DOCK9: variants seen among roughly 807,000 people sequenced by gnomAD.
DOCK9 encodes the protein dedicator of cytokinesis 9.
Under a neutral mutation model 263.3 loss-of-function variants are expected in DOCK9, and 89 were observed. That is an observed-to-expected ratio of 0.34 (90% CI 0.28 to 0.40). The LOEUF (loss-of-function observed/expected upper bound fraction) is 0.40, where lower values mean the gene tolerates loss of function less well. DOCK9 is among the 10% of genes least tolerant of loss of function. The pLI, the probability that DOCK9 is intolerant of heterozygous loss-of-function variation, is 1.00. For missense variants in DOCK9, 2,140 were observed against 2,603.4 expected (o/e 0.82, Z 3.87); for synonymous variants, 976 against 973.1 (o/e 1.00, Z -0.06).
intron 27 of DOCK9, among the ~76,000 whole-genome samples, chr13:98,873,788 C>T (rs2094252477): frequency 6.6e-6 from 1 of 152,210 alleles, no homozygotes; most frequent in South Asian, 2.1e-4. Context: ...TTTTACTTTC[C>T]TGTTTAACTC....
chr13:99,076,593 G>C (rs558382894), intron 1 of DOCK9, among the ~76,000 whole-genome samples: 7 of 152,302 alleles, frequency 4.6e-5, no homozygotes, highest in African/African-American at 1.7e-4. Flanking sequence ...TGATATGATA[G>C]AGCCTGTGCA....
intron 1 of DOCK9, among the ~76,000 whole-genome samples, chr13:99,030,860 G>C (rs9517558): frequency 0.63 from 95,761 of 152,012 alleles, 30,633 homozygotes; most frequent in East Asian, 0.9. Flanking sequence ...CCACACTAAT[G>C]TTACCATTCA....
intron 15 of DOCK9, among the ~76,000 whole-genome samples, chr13:98,894,863 C>T (rs1456367638): frequency 1.4e-5 from 2 of 139,284 alleles, no homozygotes; most frequent in African/African-American, 2.6e-5. Context: ...AATCCCAGCA[C>T]TTTGGGAAGC....
At chr13:98,973,602 T>A (rs570363612) in intron 1 of DOCK9, among the ~76,000 whole-genome samples, 7 of 152,228 alleles carry the variant, frequency 4.6e-5, no homozygotes, top group African/African-American at 1.7e-4. Context: ...GAAAAGAAAC[T>A]TTTATTTTCT....
chr13:98,801,846 C>A (rs2090147419), intron 49 of DOCK9, among the ~76,000 whole-genome samples: 1 of 152,238 alleles, frequency 6.6e-6, no homozygotes, highest in Admixed American at 6.5e-5. Flanking sequence ...GGCCACCCAA[C>A]ATCTGGACAA....
At chr13:98,994,429 A>T (rs1188917695) in intron 1 of DOCK9, among the ~76,000 whole-genome samples, 1 of 152,246 alleles carries the variant, frequency 6.6e-6, no homozygotes, top group East Asian at 1.9e-4. Context: ...AACATGGTAT[A>T]ATACAGAAAC....
chr13:99,052,244 T>C (rs2040731648), intron 1 of DOCK9, among the ~76,000 whole-genome samples: 1 of 152,152 alleles, frequency 6.6e-6, no homozygotes, highest in Non-Finnish European at 1.5e-5. Flanking sequence ...GTGCCCTGTC[T>C]AATGTCAGCA....
chr13:99,086,761 C>A (rs2042356701), upstream of DOCK9: 1 of 147,578 alleles, frequency 6.8e-6, no homozygotes, highest in Admixed American at 6.7e-5. Flanking sequence ...GGCGGGACGG[C>A]GGGCCAGGCA....
intron 1 of DOCK9, among the ~76,000 whole-genome samples, chr13:99,031,113 A>C (rs1168253390): frequency 8.7e-6 from 1 of 115,060 alleles, no homozygotes; most frequent in African/African-American, 3.2e-5. Flanking sequence ...TCTGTAATTG[A>C]TGTTTTTTTT....
chr13:98,846,600 T>G (rs1309679622), intron 37 of DOCK9: 1 of 1,340,508 alleles, frequency 7.5e-7, no homozygotes, highest in Admixed American at 1.9e-5. Context: ...TGATTTGGGT[T>G]AGCAATCAAA....
intron 49 of DOCK9, among the ~76,000 whole-genome samples, chr13:98,803,973 A>C (rs564737512): frequency 2.0e-5 from 3 of 149,004 alleles, no homozygotes; most frequent in Non-Finnish European, 3.0e-5. Flanking sequence ...CTTTACTGAG[A>C]TATAAACCCC....
At chr13:98,913,772 A>G (rs937069377) in intron 9 of DOCK9, among the ~76,000 whole-genome samples, 1 of 152,216 alleles carries the variant, frequency 6.6e-6, no homozygotes, top group Non-Finnish European at 1.5e-5. Flanking sequence ...TAGATATTTA[A>G]TCTGGGAAGT....
intron 1 of DOCK9, among the ~76,000 whole-genome samples, chr13:98,988,601 A>G (rs1180046598): frequency 6.6e-6 from 1 of 152,242 alleles, no homozygotes; most frequent in Non-Finnish European, 1.5e-5. Context: ...ACCCATTTTT[A>G]AAGGTACAAG....
intron 2 of DOCK9, chr13:98,949,672 C>G (rs575261347): frequency 5.4e-6 from 1 of 185,648 alleles, no homozygotes; most frequent in Admixed American, 5.9e-5. Context: ...TCCAAAAAAA[C>G]CCAAAACACA....
At chr13:99,018,285 G>T (rs1458627134) in intron 1 of DOCK9, among the ~76,000 whole-genome samples, 1 of 152,164 alleles carries the variant, frequency 6.6e-6, no homozygotes, top group Non-Finnish European at 1.5e-5. Context: ...TCTAATAAAA[G>T]AATGAGGTCA....
chr13:98,795,444 C>T (rs1001978250), intron 52 of DOCK9, among the ~76,000 whole-genome samples: 3 of 152,228 alleles, frequency 2.0e-5, no homozygotes, highest in South Asian at 2.1e-4. Context: ...ACCCCCGCCA[C>T]GGCCCTTCAG....
At chr13:98,844,182 A>C (rs2093317331) in intron 38 of DOCK9, among the ~76,000 whole-genome samples, 1 of 152,192 alleles carries the variant, frequency 6.6e-6, no homozygotes. Context: ...AAGCCCCAAC[A>C]GAAAAGATGT....
intron 38 of DOCK9, among the ~76,000 whole-genome samples, chr13:98,842,368 CTGAAA>C (rs945668050): frequency 1.3e-5 from 2 of 152,194 alleles, no homozygotes. Context: ...TGATTCTGAT[CTGAAA>C]TATTATCTGC....
At chr13:98,906,106 G>A (rs1395621530) in intron 9 of DOCK9, among the ~76,000 whole-genome samples, 8 of 152,170 alleles carry the variant, frequency 5.3e-5, no homozygotes, top group Non-Finnish European at 1.0e-4. Context: ...TCTTTGTGTA[G>A]AGACGCCTGG....
Sources: gnomAD v4.1 joint callset for allele counts (sites outside exome capture counted in the v4.1 genomes callset) on GRCh38, gnomAD v4.1.1 for gene constraint, MANE v1.5 for transcripts, NCBI Gene and HGNC (gene_info 2026-07-23, HGNC 2026-07-21) for gene names.